PPARGC1A: variants seen among roughly 807,000 people sequenced by gnomAD.
The protein encoded by PPARGC1A is peroxisome proliferator-activated receptor gamma coactivator 1-alpha.
A neutral mutation model predicts 88.7 loss-of-function variants in PPARGC1A; 25 were observed. The observed-to-expected ratio is 0.28, with a 90% confidence interval of 0.21 to 0.39. The LOEUF (loss-of-function observed/expected upper bound fraction) is 0.39. PPARGC1A is among the 10% of genes least tolerant of loss of function. PPARGC1A has a pLI of 1.00. For synonymous variants in PPARGC1A, 363 were observed against 355.6 expected (o/e 1.02, Z -0.24); for missense variants, 880 against 968.7 (o/e 0.91, Z 1.22).
the PPARGC1A span, among the ~76,000 whole-genome samples, chr4:24,030,001 A>G: frequency 6.6e-6 from 1 of 152,188 alleles, no homozygotes; most frequent in Non-Finnish European, 1.5e-5. Context: ...CTTCCCGTGC[A>G]ACAATCAGCC....
chr4:24,290,157 A>G, the PPARGC1A span, among the ~76,000 whole-genome samples: 4 of 152,242 alleles, frequency 2.6e-5, no homozygotes, highest in East Asian at 7.7e-4. Flanking sequence ...GGGAGCTACA[A>G]TTCAAGATGA....
At chr4:23,884,261 A>G (rs1716487324) in intron 2 of PPARGC1A, 1 of 153,732 alleles carries the variant, frequency 6.5e-6, no homozygotes, top group South Asian at 2.1e-4. Flanking sequence ...TAAAGAAATT[A>G]GAGATATGAA....
chr4:24,323,495 C>G, the PPARGC1A span, among the ~76,000 whole-genome samples: 1 of 152,302 alleles, frequency 6.6e-6, no homozygotes, highest in African/African-American at 2.4e-5. Context: ...TCAGAAGCTC[C>G]CCCACTGAGC....
the PPARGC1A span, among the ~76,000 whole-genome samples, chr4:24,079,007 C>T: frequency 1.3e-4 from 19 of 151,952 alleles, no homozygotes; most frequent in Admixed American, 1.1e-3. Context: ...ACCATTTGAA[C>T]GGCTTTCTCA....
chr4:24,445,614 GATCAC>G, the PPARGC1A span, among the ~76,000 whole-genome samples: 1 of 152,190 alleles, frequency 6.6e-6, no homozygotes, highest in East Asian at 1.9e-4. Flanking sequence ...GGTAAGTCAA[GATCAC>G]ATCTGTAGCT....
the PPARGC1A span, among the ~76,000 whole-genome samples, chr4:24,246,104 T>C: frequency 3.9e-5 from 6 of 152,204 alleles, no homozygotes; most frequent in Non-Finnish European, 5.9e-5. Context: ...ATAATTCTAA[T>C]GTAATCATTT....
the PPARGC1A span, among the ~76,000 whole-genome samples, chr4:24,349,765 G>A: frequency 1.9e-4 from 29 of 152,276 alleles, no homozygotes; most frequent in South Asian, 1.0e-3. Context: ...GTTCTTCCCC[G>A]TCCTGTGAAG....
chr4:24,270,306 CCTCTCTCTCTCTCT>C, the PPARGC1A span, among the ~76,000 whole-genome samples: 79,481 of 147,510 alleles, frequency 0.54, 21,501 homozygotes, highest in South Asian at 0.76. Flanking sequence ...AATAAATCAA[CCTCTCTCTCTCTCT>C]CTCTCTCTCT....
chr4:23,850,451 C>T (rs995811813), intron 2 of PPARGC1A, among the ~76,000 whole-genome samples: 2 of 152,224 alleles, frequency 1.3e-5, no homozygotes, highest in African/African-American at 4.8e-5. Flanking sequence ...CTTTGGTAGA[C>T]ACCAACAATT....
At chr4:24,414,512 A>G in the PPARGC1A span, among the ~76,000 whole-genome samples, 1 of 152,172 alleles carries the variant, frequency 6.6e-6, no homozygotes, top group Non-Finnish European at 1.5e-5. Flanking sequence ...AGCCCCATTT[A>G]GATGATAAAT....
the PPARGC1A span, among the ~76,000 whole-genome samples, chr4:24,183,397 G>A: frequency 6.6e-6 from 1 of 152,170 alleles, no homozygotes; most frequent in Non-Finnish European, 1.5e-5. Flanking sequence ...CAAAGCCTAG[G>A]CTCTTGGCCA....
intron 2 of PPARGC1A, among the ~76,000 whole-genome samples, chr4:23,879,154 A>G (rs533447256): frequency 6.6e-6 from 1 of 152,224 alleles, no homozygotes; most frequent in Non-Finnish European, 1.5e-5. Context: ...TATTCTTCCA[A>G]TGATTAAATT....
chr4:24,049,215 AAT>A, the PPARGC1A span, among the ~76,000 whole-genome samples: 12 of 8,618 alleles, frequency 1.4e-3, no homozygotes, highest in Non-Finnish European at 8.3e-3. Flanking sequence ...CATATATATA[AAT>A]ATATATATAC....
upstream of PPARGC1A, among the ~76,000 whole-genome samples, chr4:23,902,080 A>G (rs1341423584): frequency 1.3e-5 from 2 of 152,198 alleles, no homozygotes; most frequent in Non-Finnish European, 2.9e-5. Flanking sequence ...TACAAAAAAT[A>G]GAATGTAAAA....
chr4:24,068,365 C>T, the PPARGC1A span, among the ~76,000 whole-genome samples: 4 of 152,244 alleles, frequency 2.6e-5, no homozygotes, highest in Non-Finnish European at 5.9e-5. Context: ...AGTGAGAGAA[C>T]CCTCATTTAC....
chr4:24,163,198 T>A, the PPARGC1A span, among the ~76,000 whole-genome samples: 22 of 147,642 alleles, frequency 1.5e-4, no homozygotes, highest in Non-Finnish European at 3.0e-4. Context: ...TCCACTAAAT[T>A]ATGTGCCATA....
At position 23,793,698 on chromosome 4, in the gene PPARGC1A, G is replaced by C. The variant is rs989584425; in HGVS notation, c.*2124C>G. The stretch of plus-strand genomic sequence containing the variant: ...CTCCACACTCAGATGAAATCCTGAT[G>C]ATCAAAATGGAGGTTTTTCTGAAGT... On this transcript the variant is annotated 3_prime_UTR_variant, in exon 13 of 13. Transcript: ENST00000264867. 1 of 152,120 alleles carries C rather than the reference G, an allele frequency of 6.6e-6. No individual in the cohort carries two copies. Among genetic ancestry groups the C allele is most frequent in the South Asian group, 2.1e-4 (1 of 4,830 alleles). 9.4% of individuals were successfully genotyped at this position (152,120 alleles called of 1,614,324 possible).
chr4:23,923,949 C>T, the PPARGC1A span, among the ~76,000 whole-genome samples: 1 of 152,130 alleles, frequency 6.6e-6, no homozygotes, highest in African/African-American at 2.4e-5. Flanking sequence ...GACATTTCTT[C>T]TGGGCTGGGC....
the PPARGC1A span, among the ~76,000 whole-genome samples, chr4:24,147,456 G>A: frequency 1.2e-4 from 18 of 152,086 alleles, no homozygotes; most frequent in African/African-American, 1.7e-4. Context: ...TTTCCCACTC[G>A]GCTGTACCGG....
Sources: allele counts gnomAD v4.1 joint callset (sites outside exome capture counted in the v4.1 genomes callset), GRCh38; gene constraint gnomAD v4.1.1; transcripts MANE v1.5; gene names NCBI Gene and HGNC (gene_info 2026-07-23, HGNC 2026-07-21).